Variants in EFCAB5 observed in about 807,000 individuals in gnomAD.
EFCAB5 encodes the protein EF-hand calcium binding domain 5.
Under a neutral mutation model 167.9 loss-of-function variants are expected in EFCAB5, and 131 were observed. The observed-to-expected ratio is 0.78, with a 90% CI of 0.68 to 0.90. EFCAB5 has a LOEUF of 0.90. Ranked by LOEUF, EFCAB5 falls within the 40% of genes least tolerant of loss-of-function variation. EFCAB5 has a pLI of 0.00. For synonymous variants in EFCAB5, 574 were observed against 602.8 expected (o/e 0.95, Z 0.70); for missense variants, 1,663 against 1,745.2 (o/e 0.95, Z 0.84).
intron 22 of EFCAB5, among the ~76,000 whole-genome samples, chr17:30,093,642 A>G (rs1168405921): frequency 6.6e-6 from 1 of 152,176 alleles, no homozygotes; most frequent in Non-Finnish European, 1.5e-5. Flanking sequence ...TATTCCTGAG[A>G]AGCCTTGACC....
At chr17:29,978,050 G>C (rs907692361) in intron 4 of EFCAB5, among the ~76,000 whole-genome samples, 1 of 152,266 alleles carries the variant, frequency 6.6e-6, no homozygotes, top group South Asian at 2.1e-4. Context: ...AAGACAGAGG[G>C]AATGTTTCAT....
chr17:29,969,081 T>C lies in EFCAB5; in HGVS notation c.481T>C (p.Phe161Leu), dbSNP rs528553005. 4.3e-6 allele frequency: 7 copies of C among 1,613,034 alleles called. No individual in the cohort carries two copies. Among genetic ancestry groups the C allele is most frequent in the Admixed American group, 3.3e-5 (2 of 59,918 alleles). Residue 161 changes from phenylalanine to leucine, a missense_variant, in exon 4 of 23, where the codon TTT (phenylalanine) becomes CTT (leucine). Physicochemically the swap from Phe to Leu is conservative, Grantham distance 22. Transcript: ENST00000394835. Reference sequence around the variant, plus strand: ...TAGGGATAATTTGGCCAAAGAGTGGTTTAATACTGACAGCATGACACTGAA... The same window carrying C: ...TAGGGATAATTTGGCCAAAGAGTGGCTTAATACTGACAGCATGACACTGAA... ...LPRDNLAKEWFNTDSMTLNNT... is the reference protein window; with the variant it reads ...LPRDNLAKEWLNTDSMTLNNT...
intron 14 of EFCAB5, chr17:30,074,193 T>C (rs1418222823): frequency 6.6e-6 from 1 of 152,242 alleles, no homozygotes; most frequent in Non-Finnish European, 1.5e-5. Context: ...TGTAGTGGCA[T>C]GTGATCATAA....
At position 30,051,129 on chromosome 17, in the gene EFCAB5, G is replaced by T; in HGVS notation, c.1212G>T (p.Leu404Phe). The change falls in exon 9 of 23, where the codon TTG (leucine) becomes TTT (phenylalanine). Residue 404 changes from leucine (L) to phenylalanine (F), a missense_variant. Physicochemically the swap from Leu to Phe is conservative, Grantham distance 22 (BLOSUM62 0). Transcript: ENST00000394835. ...LHCDHGKVGFLDRQRTLALLE... is the reference protein window; with the variant it reads ...LHCDHGKVGFFDRQRTLALLE... ...TCTTCTTTGCTTAGGTAGGGTTTTT[G>T]GATCGGCAGAGGACATTGGCCCTGC... is the stretch of plus-strand genomic sequence containing the variant. 6.2e-7 allele frequency: 1 copy of T among 1,613,644 alleles called. No homozygotes were observed. Among genetic ancestry groups the T allele is most frequent in the Non-Finnish European group, 8.5e-7 (1 of 1,179,772 alleles).
At chr17:30,079,000 C>T (rs10853136) in intron 15 of EFCAB5, among the ~76,000 whole-genome samples, 78,065 of 151,992 alleles carry the variant, frequency 0.51, 20,452 homozygotes, top group African/African-American at 0.58. Context: ...TCACTTAGAA[C>T]GCATGGCCCT....
At chr17:30,041,171 A>C (rs2069759556) in intron 8 of EFCAB5, among the ~76,000 whole-genome samples, 1 of 149,472 alleles carries the variant, frequency 6.7e-6, no homozygotes. Context: ...TGCCTTACTG[A>C]CAGATCGAAA....
Position 30,051,229 on chromosome 17 carries a change from T to C in EFCAB5, c.1300+12T>C. The C allele has an allele frequency of 5.0e-6, 8 of 1,612,356 alleles. No individual in the cohort carries two copies. Among genetic ancestry groups the C allele is most frequent in the Non-Finnish European group, 6.8e-6 (8 of 1,178,440 alleles). ...AAACCCACGACAATGTAAGTGCCGC[T>C]CAGAGGGAGTATGTTCAAGCTGGAG... On this transcript the variant is annotated intron_variant, in intron 9 of 22. Transcript: ENST00000394835.
At chr17:29,940,761 C>T (rs565581435), upstream of EFCAB5, among the ~76,000 whole-genome samples, 9 of 152,142 alleles carry the variant, frequency 5.9e-5, no homozygotes, top group South Asian at 2.1e-4. Flanking sequence ...AGGGAATGGC[C>T]GGGTGCGGTG....
intron 3 of EFCAB5, among the ~76,000 whole-genome samples, chr17:29,964,807 C>G (rs1206740821): frequency 6.6e-6 from 1 of 151,784 alleles, no homozygotes; most frequent in Non-Finnish European, 1.5e-5. Context: ...TTTATCTCTA[C>G]TTTAACCTTT....
chr17:30,036,317 CACATATATAATATATAATTATATA>C, intron 8 of EFCAB5, among the ~76,000 whole-genome samples: 1 of 109,456 alleles, frequency 9.1e-6, no homozygotes, highest in Admixed American at 9.6e-5. Flanking sequence ...ATATATAATA[CACATATATAATATATAATTATATA>C]TAATACACAT....
Position 30,091,932 on chromosome 17 carries a change from C to T in EFCAB5, c.3999C>T (p.Leu1333=), listed in dbSNP as rs767045496. The change falls in exon 21 of 23, where the codon CTC becomes CTT. Residue 1333 remains leucine, a synonymous_variant. Transcript: ENST00000394835. ...TTCTCTTCTTCCGAATCATGCTGCTCGAGCTACAGGAAAGCATCCAACTAC... is the reference window on the plus strand; with the variant it reads ...TTCTCTTCTTCCGAATCATGCTGCTTGAGCTACAGGAAAGCATCCAACTAC... ...AGILFFRIML[L]ELQESIQLLN... is the part of the protein sequence containing the mutation. 8.1e-6 allele frequency: 13 copies of T among 1,613,836 alleles called. No individual in the cohort carries two copies. Among genetic ancestry groups the T allele is most frequent in the Non-Finnish European group, 1.1e-5 (13 of 1,179,888 alleles).
At chr17:30,002,009 C>G (rs1343114478) in intron 7 of EFCAB5, among the ~76,000 whole-genome samples, 2 of 152,248 alleles carry the variant, frequency 1.3e-5, no homozygotes, top group African/African-American at 4.8e-5. Context: ...AGTCTTGACC[C>G]TTGTGCTTTA....
At chr17:30,027,967 T>C (rs1239643602) in intron 7 of EFCAB5, among the ~76,000 whole-genome samples, 1 of 152,234 alleles carries the variant, frequency 6.6e-6, no homozygotes, top group African/African-American at 2.4e-5. Context: ...TCCTGAATCA[T>C]ATAATGGGTT....
At chr17:30,032,693 A>T (rs2069509408) in intron 7 of EFCAB5, among the ~76,000 whole-genome samples, 1 of 152,214 alleles carries the variant, frequency 6.6e-6, no homozygotes, top group Admixed American at 6.5e-5. Context: ...TCAATATATT[A>T]ATAAAAGCAT....
At chr17:30,073,698 T>C in intron 14 of EFCAB5, 1 of 715,278 alleles carries the variant, frequency 1.4e-6, no homozygotes, top group Non-Finnish European at 2.6e-6. Context: ...TAAAATGAGA[T>C]GCAAAAATTT....
At chr17:29,952,018 A>T (rs540075318) in intron 3 of EFCAB5, among the ~76,000 whole-genome samples, 3 of 152,188 alleles carry the variant, frequency 2.0e-5, no homozygotes, top group African/African-American at 7.2e-5. Context: ...ATTTATAAAC[A>T]GTGTAAATTT....
rs2071202587 is a variant in EFCAB5 at position 30,091,811 on chromosome 17, A to G, written c.3938-60A>G. 5.8e-6 allele frequency: 9 copies of G among 1,540,362 alleles called. No individual in the cohort carries two copies. The Admixed American group carries it at 1.6e-4, about 27-fold the overall frequency. ...TATGTTCAGAATCCTATGAAAAAGT[A>G]ATGTACAGCAATGTACATTAGACTG... On this transcript the variant is annotated intron_variant, in intron 20 of 22. Coordinates refer to ENST00000394835, the MANE Select transcript of EFCAB5 (RefSeq NM_198529.4).
intron 3 of EFCAB5, among the ~76,000 whole-genome samples, chr17:29,955,006 C>A (rs975516456): frequency 6.6e-6 from 1 of 152,156 alleles, no homozygotes; most frequent in Non-Finnish European, 1.5e-5. Flanking sequence ...CAATTTCTCC[C>A]ATTTGGAATG....
intron 4 of EFCAB5, among the ~76,000 whole-genome samples, chr17:29,986,637 A>ATTTTTTTTTTTTTTTTTTT (rs911310972): frequency 1.7e-5 from 1 of 58,056 alleles, no homozygotes; most frequent in Admixed American, 2.4e-4. Context: ...GAGTATATTC[A>ATTTTTTTTTTTTTTTTTTT]TTTTTTTTTT....
Sources: allele counts gnomAD v4.1 joint callset (sites outside exome capture counted in the v4.1 genomes callset), GRCh38; gene constraint gnomAD v4.1.1; transcripts MANE v1.5; gene names NCBI Gene and HGNC (gene_info 2026-07-23, HGNC 2026-07-21).